The following AGBL1 variants were observed in gnomAD, a reference collection of about 807,000 sequenced individuals.
AGBL1 encodes the protein cytosolic carboxypeptidase 4.
AGBL1 carries 130 observed loss-of-function variants against 118.9 expected under a neutral mutation model. The observed-to-expected ratio is 1.09, with a 90% confidence interval of 0.95 to 1.26. The LOEUF (loss-of-function observed/expected upper bound fraction) is 1.26, where lower values mean the gene tolerates loss of function less well. Among genes scored for constraint, AGBL1 ranks in the 50% most tolerant of loss-of-function variants. The pLI is 0.00. For missense variants in AGBL1, 1,584 were observed against 1,298.1 expected (o/e 1.22, Z -3.38); for synonymous variants, 555 against 478.9 (o/e 1.16, Z -2.08).
Position 86,397,382 on chromosome 15 carries a change from G to C in AGBL1, c.2391G>C (p.Gln797His), listed in dbSNP as rs757650131. 6.2e-7 allele frequency: 1 copy of C among 1,603,580 alleles called. No individual in the cohort carries two copies. Among genetic ancestry groups the C allele is most frequent in the African/African-American group, 1.3e-5 (1 of 74,840 alleles). ...HLEQFRHRPYQVITARVHPGE... is the reference protein window; with the variant it reads ...HLEQFRHRPYHVITARVHPGE... Reference sequence around the variant, plus strand: ...TTTCTGCAGGACATCGTCCATATCAGGTGATCACTGCTCGAGTTCATCCAG... The same window carrying C: ...TTTCTGCAGGACATCGTCCATATCACGTGATCACTGCTCGAGTTCATCCAG... Residue 797 changes from glutamine (Q) to histidine (H), a missense_variant, in exon 18 of 23, where the codon CAG becomes CAC. Physicochemically the swap from Gln to His is conservative, Grantham distance 24. Coordinates refer to ENST00000614907, the MANE Select transcript of AGBL1 (RefSeq NM_001386094.1).
chr15:86,231,633 A>G (rs1329591697), intron 6 of AGBL1, among the ~76,000 whole-genome samples: 2 of 152,218 alleles, frequency 1.3e-5, no homozygotes, highest in Non-Finnish European at 2.9e-5. Flanking sequence ...CAGGCACTCT[A>G]TACACAGTTA....
chr15:86,154,298 A>T, intron 3 of AGBL1, 132 bp from the exon 4 acceptor site: 1 of 984,874 alleles, frequency 1.0e-6, no homozygotes, highest in Non-Finnish European at 1.5e-6. Flanking sequence ...AGCATTTGTC[A>T]CTAGGTCTGA....
chr15:86,405,233 C>T (rs571509440), intron 18 of AGBL1, among the ~76,000 whole-genome samples: 15 of 151,696 alleles, frequency 9.9e-5, no homozygotes, highest in African/African-American at 3.1e-4. Context: ...TATGCCTGGC[C>T]GGGCGCGGTG....
intron 24 of AGBL1, among the ~76,000 whole-genome samples, chr15:87,027,485 TAG>T (rs894571951): frequency 2.7e-5 from 4 of 149,866 alleles, no homozygotes; most frequent in African/African-American, 9.9e-5. Context: ...ATACATTATA[TAG>T]ATGTATTATG....
intron 18 of AGBL1, among the ~76,000 whole-genome samples, chr15:86,504,288 C>A (rs904502496): frequency 2.0e-5 from 3 of 151,386 alleles, no homozygotes; most frequent in Non-Finnish European, 4.4e-5. Flanking sequence ...CTTCTTTTAA[C>A]CCATTGTGTC....
At chr15:86,701,817 A>T (rs1216100267) in intron 22 of AGBL1, among the ~76,000 whole-genome samples, 4 of 79,732 alleles carry the variant, frequency 5.0e-5, no homozygotes, top group Non-Finnish European at 9.9e-5. Flanking sequence ...TCTCTTCCCC[A>T]CCTCTCCTCC....
Position 86,912,614 on chromosome 15 carries a change from T to C in AGBL1, c.*5320T>C, listed in dbSNP as rs1379450043. 6.6e-6 allele frequency: 1 copy of C among 152,162 alleles called. No individual in the cohort carries two copies. The highest frequency in any genetic ancestry group is 1.5e-5 in the Non-Finnish European group (1 of 68,038). 9.4% of individuals were successfully genotyped at this position (152,162 alleles called of 1,614,324 possible). A position where few individuals can be genotyped will look rare whatever the true frequency, so the allele number is the denominator to read the frequency against. ...GCTGCCAACACAAGGAAGGTCATAT[T>C]ACACCCTTTCATTTATCAGCCTGGA... On this transcript the variant is annotated 3_prime_UTR_variant, in exon 23 of 23. Coordinates refer to ENST00000614907, the MANE Select transcript of AGBL1 (RefSeq NM_001386094.1).
intron 5 of AGBL1, among the ~76,000 whole-genome samples, chr15:86,180,766 C>T (rs898712825): frequency 1.3e-5 from 2 of 151,992 alleles, no homozygotes; most frequent in Non-Finnish European, 2.9e-5. Context: ...ATTTGCCAAT[C>T]ATGTACCTTG....
chr15:86,723,662 AAAAAG>A (rs1166889575), intron 22 of AGBL1, among the ~76,000 whole-genome samples: 1 of 152,222 alleles, frequency 6.6e-6, no homozygotes, highest in East Asian at 1.9e-4. Flanking sequence ...TAATAATAAA[AAAAAG>A]AAAACAAAGC....
chr15:86,281,285 G>T (rs535157271), intron 16 of AGBL1, among the ~76,000 whole-genome samples: 1 of 152,152 alleles, frequency 6.6e-6, no homozygotes, highest in Non-Finnish European at 1.5e-5. Context: ...TTGGGAGGCT[G>T]AGTTGGAGGA....
At position 86,191,368 on chromosome 15, in the gene AGBL1, AAAGAG is replaced by A. The variant is rs1354745460; in HGVS notation, c.488+32344_488+32348del. Among the ~76,000 whole-genome samples, 11 of 145,160 alleles carry A rather than the reference AAAGAG, an allele frequency of 7.6e-5. No homozygotes were observed. In the East Asian group the frequency reaches 1.6e-3, roughly 21 times the overall value. ...TGTCTCAAAAAAAAAAAAAAAAAAA[AAAGAG>A]AGAGAGAGAAATTAAGAGCACAAAT... On this transcript the variant is annotated intron_variant, in intron 5 of 22. Coordinates refer to ENST00000614907, the MANE Select transcript of AGBL1 (RefSeq NM_001386094.1).
At chr15:86,385,344 G>A (rs1031134606) in intron 17 of AGBL1, among the ~76,000 whole-genome samples, 1 of 152,088 alleles carries the variant, frequency 6.6e-6, no homozygotes, top group Admixed American at 6.6e-5. Flanking sequence ...TGTTGAACAG[G>A]GAGAGCTTTG....
chr15:86,290,342 T>C lies in AGBL1; in HGVS notation c.2221-4913T>C, dbSNP rs1597687693. ...TGTGTCTTCAAGTCCTTCTTTTCTT[T>C]CTTTTTTTTTTTTTTTTTCTATTTT... On this transcript the variant is annotated intron_variant, in intron 16 of 22. Coordinates refer to ENST00000614907, the MANE Select transcript of AGBL1 (RefSeq NM_001386094.1). Among the ~76,000 whole-genome samples the C allele has an allele frequency of 2.3e-5, 3 of 130,332 alleles. No individual in the cohort carries two copies. In the Admixed American group the frequency reaches 2.4e-4, roughly 10 times the overall value. The allele number at this position is 130,332 out of a possible 152,430, so 85.5% of individuals were successfully genotyped here. A position where few individuals can be genotyped will look rare whatever the true frequency, so the allele number is the denominator to read the frequency against.
chr15:86,457,236 C>G (rs1311637649), intron 18 of AGBL1, among the ~76,000 whole-genome samples: 1 of 152,136 alleles, frequency 6.6e-6, no homozygotes, highest in African/African-American at 2.4e-5. Flanking sequence ...AAGACTAAAA[C>G]CCAGCATAAG....
chr15:86,125,423 G>T (rs1898359016), intron 1 of AGBL1, among the ~76,000 whole-genome samples: 1 of 152,124 alleles, frequency 6.6e-6, no homozygotes, highest in Admixed American at 6.5e-5. Context: ...ACGGTAACTT[G>T]TCAATATTTC....
At chr15:87,004,321 T>C (rs7497375) in intron 24 of AGBL1, among the ~76,000 whole-genome samples, 15,030 of 152,120 alleles carry the variant, frequency 0.099, 1,323 homozygotes, top group African/African-American at 0.23. Flanking sequence ...GTGGGAGAGT[T>C]TAAGTCTCTT....
At chr15:86,316,063 T>C (rs1267508608) in intron 17 of AGBL1, among the ~76,000 whole-genome samples, 1 of 152,204 alleles carries the variant, frequency 6.6e-6, no homozygotes, top group African/African-American at 2.4e-5. Flanking sequence ...CAAATGTATC[T>C]AATTTTTGCT....
At chr15:86,116,877 C>T (rs546494770) in intron 1 of AGBL1, among the ~76,000 whole-genome samples, 1 of 152,100 alleles carries the variant, frequency 6.6e-6, no homozygotes, top group Non-Finnish European at 1.5e-5. Context: ...TTCTGATTCT[C>T]AAGACAACCC....
chr15:86,463,383 G>A (rs1357873079), intron 18 of AGBL1, among the ~76,000 whole-genome samples: 3 of 151,294 alleles, frequency 2.0e-5, no homozygotes, highest in Non-Finnish European at 4.4e-5. Flanking sequence ...CTCCCATTCT[G>A]TAGGTTGCCT....
Sources: gnomAD v4.1 joint callset for allele counts (sites outside exome capture counted in the v4.1 genomes callset) on GRCh38, gnomAD v4.1.1 for gene constraint, MANE v1.5 for transcripts, NCBI Gene and HGNC (gene_info 2026-07-23, HGNC 2026-07-21) for gene names.